The following TENM3 variants were observed in gnomAD, a reference collection of about 807,000 sequenced individuals.
TENM3 encodes teneurin transmembrane protein 3, also known as teneurin-3.
A neutral mutation model predicts 255.1 loss-of-function variants in TENM3; 63 were observed. That is an observed-to-expected ratio of 0.25 (90% CI 0.20 to 0.30). The LOEUF is 0.30. Among genes scored for constraint, TENM3 ranks in the 10% least tolerant of loss-of-function variants. The pLI, the probability that TENM3 is intolerant of heterozygous loss-of-function variation, is 1.00. For synonymous variants in TENM3, 1,306 were observed against 1,322.3 expected (o/e 0.99, Z 0.27); for missense variants, 2,929 against 3,461.1 (o/e 0.85, Z 3.86).
intron 1 of TENM3, among the ~76,000 whole-genome samples, chr4:182,227,481 A>G (rs1054054509): frequency 3.3e-5 from 5 of 152,088 alleles, no homozygotes; most frequent in Non-Finnish European, 5.9e-5. Context: ...CCACATACTG[A>G]GAGTTCCGTG....
chr4:182,072,557 C>A, the TENM3 span, among the ~76,000 whole-genome samples: 6 of 152,256 alleles, frequency 3.9e-5, no homozygotes, highest in Non-Finnish European at 5.9e-5. Flanking sequence ...GTATTTGAAA[C>A]AATATTTAAA....
At chr4:181,557,049 C>T in the TENM3 span, among the ~76,000 whole-genome samples, 2 of 151,966 alleles carry the variant, frequency 1.3e-5, no homozygotes, top group African/African-American at 4.8e-5. Context: ...TTAAAAAGTC[C>T]ACATTCTGGA....
chr4:181,987,067 G>A, the TENM3 span, among the ~76,000 whole-genome samples: 18 of 152,014 alleles, frequency 1.2e-4, no homozygotes, highest in Non-Finnish European at 1.6e-4. Context: ...AAACCAACCC[G>A]TCCCAAAACA....
At chr4:182,298,797 A>G (rs1174545465) in intron 1 of TENM3, among the ~76,000 whole-genome samples, 1 of 151,408 alleles carries the variant, frequency 6.6e-6, no homozygotes, top group East Asian at 2.0e-4. Context: ...ATATGGTGAA[A>G]CCCCATCTCT....
the TENM3 span, among the ~76,000 whole-genome samples, chr4:181,745,541 G>T: frequency 6.6e-6 from 1 of 152,208 alleles, no homozygotes; most frequent in Non-Finnish European, 1.5e-5. Context: ...GTTCCCTGAG[G>T]TCCATGAGAG....
the TENM3 span, among the ~76,000 whole-genome samples, chr4:181,849,719 A>G: frequency 1.4e-3 from 208 of 152,274 alleles, 1 homozygote; most frequent in African/African-American, 4.8e-3. Context: ...TACAGACATC[A>G]TTGGAATTTT....
At chr4:181,616,952 G>A in the TENM3 span, among the ~76,000 whole-genome samples, 9 of 152,166 alleles carry the variant, frequency 5.9e-5, no homozygotes, top group South Asian at 8.3e-4. Flanking sequence ...TTTCTTTACC[G>A]TTTTCTGGGT....
the TENM3 span, among the ~76,000 whole-genome samples, chr4:181,568,913 AAGGGT>A: frequency 1.3e-5 from 2 of 152,186 alleles, no homozygotes; most frequent in African/African-American, 4.8e-5. Flanking sequence ...TCCACTCCCC[AAGGGT>A]AGGGATTATT....
chr4:181,632,649 T>C, the TENM3 span, among the ~76,000 whole-genome samples: 3 of 152,196 alleles, frequency 2.0e-5, no homozygotes, highest in African/African-American at 7.2e-5. Flanking sequence ...GGATCTAGTT[T>C]CTGCCTCAGT....
At chr4:181,827,724 C>T in the TENM3 span, among the ~76,000 whole-genome samples, 1 of 152,158 alleles carries the variant, frequency 6.6e-6, no homozygotes, top group Non-Finnish European at 1.5e-5. Flanking sequence ...GTGGCAGATG[C>T]TTCACCCCAG....
At chr4:181,815,734 A>AT in the TENM3 span, among the ~76,000 whole-genome samples, 47 of 152,242 alleles carry the variant, frequency 3.1e-4, 1 homozygote, top group African/African-American at 1.1e-3. Context: ...CTTAGATGAG[A>AT]TTTTCAGGAA....
chr4:182,227,616 T>G (rs1017496021), intron 1 of TENM3, among the ~76,000 whole-genome samples: 2 of 151,860 alleles, frequency 1.3e-5, no homozygotes, highest in African/African-American at 4.8e-5. Flanking sequence ...CTAATTTTTT[T>G]CTTCGTGTAG....
Position 182,489,248 on chromosome 4 carries a change from A to G in TENM3, c.512-111676A>G, listed in dbSNP as rs1372580883. 2.1e-5 allele frequency among the ~76,000 whole-genome samples: 3 copies of G among 140,834 alleles called. No homozygotes were observed. The East Asian group carries it at 6.4e-4, about 30-fold the overall frequency. The allele number at this position is 140,834 out of a possible 152,430, so 92.4% of individuals were successfully genotyped here. ...ATAGTACATTTTATAATGTGCTCTA[A>G]TAAAGGGAAAATGTGTCCTCTCAAA... On this transcript the variant is annotated intron_variant, in intron 3 of 27. Coordinates refer to ENST00000511685, the MANE Select transcript of TENM3 (RefSeq NM_001080477.4).
chr4:181,896,269 G>A, the TENM3 span, among the ~76,000 whole-genome samples: 474 of 151,328 alleles, frequency 3.1e-3, 1 homozygote, highest in Non-Finnish European at 4.6e-3. Context: ...TTTTTTTTTC[G>A]TTTCTATAAA....
intron 1 of TENM3, among the ~76,000 whole-genome samples, chr4:182,306,680 A>G (rs1762152296): frequency 6.6e-6 from 1 of 152,214 alleles, no homozygotes; most frequent in African/African-American, 2.4e-5. Flanking sequence ...TGCCAATAAC[A>G]TAATGGTAGA....
At chr4:182,026,335 G>A in the TENM3 span, among the ~76,000 whole-genome samples, 1 of 151,988 alleles carries the variant, frequency 6.6e-6, no homozygotes, top group South Asian at 2.1e-4. Flanking sequence ...ATAGTTGTTT[G>A]AGCTCCTTAT....
intron 1 of TENM3, among the ~76,000 whole-genome samples, chr4:182,164,340 C>G (rs1175347030): frequency 6.6e-6 from 1 of 152,192 alleles, no homozygotes; most frequent in African/African-American, 2.4e-5. Context: ...GGTCCTTGGT[C>G]CTTTCTTCAC....
At chr4:182,055,210 G>T in the TENM3 span, among the ~76,000 whole-genome samples, 2 of 152,046 alleles carry the variant, frequency 1.3e-5, no homozygotes, top group African/African-American at 4.8e-5. Flanking sequence ...AGCCCAGCAT[G>T]GTGGTGCACA....
the TENM3 span, among the ~76,000 whole-genome samples, chr4:182,092,417 G>A: frequency 6.6e-6 from 1 of 152,232 alleles, no homozygotes; most frequent in Non-Finnish European, 1.5e-5. Flanking sequence ...GGAGGCCAAG[G>A]TGGGGGGATT....
Sources: gnomAD v4.1 joint callset for allele counts (sites outside exome capture counted in the v4.1 genomes callset) on GRCh38, gnomAD v4.1.1 for gene constraint, MANE v1.5 for transcripts, NCBI Gene and HGNC (gene_info 2026-07-23, HGNC 2026-07-21) for gene names.